The following TVP23A variants were observed in gnomAD, a reference collection of about 807,000 sequenced individuals.
TVP23A encodes trans-golgi network vesicle protein 23 homolog A.
Under a neutral mutation model 31.7 loss-of-function variants are expected in TVP23A, and 21 were observed. That is an observed-to-expected ratio of 0.66 (90% CI 0.47 to 0.95). TVP23A has a LOEUF of 0.95. Among genes scored for constraint, TVP23A ranks in the 40% least tolerant of loss-of-function variants. The pLI, the probability that TVP23A is intolerant of heterozygous loss-of-function variation, is 0.00. For missense variants in TVP23A, 279 were observed against 255.6 expected, an observed-to-expected ratio of 1.09 and a Z score of -0.62; for synonymous variants, 104 against 96.0, an observed-to-expected ratio of 1.08 and a Z score of -0.49.
chr16:10,803,012 A>C (rs1448116707), intron 2 of TVP23A, among the ~76,000 whole-genome samples: 1 of 152,206 alleles, frequency 6.6e-6, no homozygotes, highest in East Asian at 1.9e-4. Context: ...GGCTGGACGC[A>C]GTGGCTCATG....
At position 10,797,955 on chromosome 16, in the gene TVP23A, C is replaced by CTT. The variant is rs1162130562; in HGVS notation, c.89+20146_89+20147dup. The stretch of plus-strand genomic sequence containing the variant: ...TCTATAGTAAATATTTTTTCTTTTT[C>CTT]TTTTTTTTTTTTTTTTTTGAGATGG... On this transcript the variant is annotated intron_variant, in intron 2 of 7. Coordinates refer to ENST00000299866, the MANE Select transcript of TVP23A (RefSeq NM_001079512.4). Among the ~76,000 whole-genome samples, 267 of 122,934 alleles carry CTT rather than the reference C, an allele frequency of 2.2e-3. 1 individual carries two copies. Among genetic ancestry groups the CTT allele is most frequent in the African/African-American group, 6.5e-3 (207 of 31,654 alleles). 80.6% of individuals were successfully genotyped at this position (122,934 alleles called of 152,430 possible). A position where few individuals can be genotyped will look rare whatever the true frequency, so the allele number is the denominator to read the frequency against.
intron 2 of TVP23A, among the ~76,000 whole-genome samples, chr16:10,815,676 T>A (rs868508801): frequency 1.3e-5 from 2 of 152,132 alleles, no homozygotes; most frequent in Non-Finnish European, 2.9e-5. Flanking sequence ...AGTGCTAACA[T>A]TAAGCAAACC....
rs2031066781 is a variant in TVP23A, at chr16:10,767,476, A to G, written c.*1626T>C. 2.5e-6 allele frequency: 1 copy of G among 402,396 alleles called. No individual in the cohort carries two copies. The highest frequency in any genetic ancestry group is 4.4e-6 in the Non-Finnish European group (1 of 229,314). 24.9% of individuals were successfully genotyped at this position (402,396 alleles called of 1,614,324 possible). A position where few individuals can be genotyped will look rare whatever the true frequency, so the allele number is the denominator to read the frequency against. On this transcript the variant is annotated 3_prime_UTR_variant, in exon 8 of 8. Transcript: ENST00000299866. The surrounding 1 kb of genome is among the most constrained non-coding windows in gnomAD (Gnocchi z 4.6). ...ATTTTAGGTATATGAGAGTGTGTGTATGTGTGTGCGCACACATGCAAGTGT... is the reference window on the plus strand; with the variant it reads ...ATTTTAGGTATATGAGAGTGTGTGTGTGTGTGTGCGCACACATGCAAGTGT...
chr16:10,804,733 T>C (rs1385981345), intron 2 of TVP23A, among the ~76,000 whole-genome samples: 2 of 152,174 alleles, frequency 1.3e-5, no homozygotes, highest in Non-Finnish European at 2.9e-5. Flanking sequence ...GCCACAGAGC[T>C]AGACATTGTC....
intron 2 of TVP23A, among the ~76,000 whole-genome samples, chr16:10,776,528 G>A (rs968802679): frequency 2.0e-5 from 3 of 152,210 alleles, no homozygotes; most frequent in Non-Finnish European, 4.4e-5. Flanking sequence ...GAGCACACAG[G>A]TAGAGAACGA....
downstream of TVP23A, among the ~76,000 whole-genome samples, chr16:10,765,660 C>A (rs886795301): frequency 6.6e-6 from 1 of 152,192 alleles, no homozygotes; most frequent in Non-Finnish European, 1.5e-5. This position sits in a 1 kb window ranked among gnomAD's most constrained non-coding sequence, Gnocchi z 4.0. Context: ...GAGCCAGCAA[C>A]CTCCATCTTC....
intron 2 of TVP23A, among the ~76,000 whole-genome samples, chr16:10,795,703 C>T (rs994870804): frequency 2.6e-5 from 4 of 152,150 alleles, no homozygotes; most frequent in African/African-American, 7.2e-5. Flanking sequence ...ACCACACATT[C>T]GATGAGGGGA....
downstream of TVP23A, chr16:10,758,074 T>C (rs1477567520): frequency 3.8e-6 from 6 of 1,590,814 alleles, no homozygotes; most frequent in African/African-American, 6.7e-5. Flanking sequence ...TGCTCCACAC[T>C]GTGAGATTTC....
At chr16:10,802,285 T>C (rs1232855718) in intron 2 of TVP23A, among the ~76,000 whole-genome samples, 3 of 91,068 alleles carry the variant, frequency 3.3e-5, no homozygotes, top group African/African-American at 2.8e-4. Context: ...TGTGTGTGTG[T>C]ATATGTGTGT....
intron 2 of TVP23A, among the ~76,000 whole-genome samples, chr16:10,817,706 G>A (rs1000001403): frequency 1.3e-5 from 2 of 152,114 alleles, no homozygotes; most frequent in Middle Eastern, 3.2e-3. Context: ...CCTTCAGCTT[G>A]GAACACTCTC....
At chr16:10,814,950 T>TC (rs2034370027) in intron 2 of TVP23A, among the ~76,000 whole-genome samples, 1 of 152,096 alleles carries the variant, frequency 6.6e-6, no homozygotes, top group African/African-American at 2.4e-5. Flanking sequence ...CACCCTAAAT[T>TC]CATGACCTTA....
rs148922151 is a variant in TVP23A at position 10,767,973 on chromosome 16, C to G, written c.*1129G>C. 2.4e-4 allele frequency: 387 copies of G among 1,614,098 alleles called. No homozygotes were observed. The highest frequency in any genetic ancestry group is 3.0e-4 in the Non-Finnish European group (353 of 1,179,996). On this transcript the variant is annotated 3_prime_UTR_variant, in exon 8 of 8. Coordinates refer to ENST00000299866, the MANE Select transcript of TVP23A (RefSeq NM_001079512.4). This position sits in a 1 kb window ranked among gnomAD's most constrained non-coding sequence, Gnocchi z 4.6. ...GGTAAGAATTGTGACAAAGGCCAGT[C>G]TTTTTTCATTGACGCCCCAGATTCC... is the stretch of plus-strand genomic sequence containing the variant.
chr16:10,805,586 G>A (rs1291708301), intron 2 of TVP23A, among the ~76,000 whole-genome samples: 2 of 150,070 alleles, frequency 1.3e-5, no homozygotes, highest in African/African-American at 2.5e-5. Flanking sequence ...GGGTTAGCAG[G>A]GGGCCATGGA....
chr16:10,761,941 C>T (rs1334181042), downstream of TVP23A: 3 of 1,060,654 alleles, frequency 2.8e-6, no homozygotes, highest in Non-Finnish European at 4.2e-6. Context: ...GGGGCGGCTA[C>T]AGAGAGGGGC....
chr16:10,785,902 CT>C (rs1456891861), intron 2 of TVP23A, among the ~76,000 whole-genome samples: 1 of 152,150 alleles, frequency 6.6e-6, no homozygotes, highest in Non-Finnish European at 1.5e-5. Flanking sequence ...CACCACCGGA[CT>C]TTGGGTACCC....
chr16:10,785,306 AG>A (rs1484404972), intron 2 of TVP23A, among the ~76,000 whole-genome samples: 1 of 152,024 alleles, frequency 6.6e-6, no homozygotes, highest in Admixed American at 6.6e-5. Flanking sequence ...CAGGAGGCTG[AG>A]GCACGAGAAT....
Position 10,767,107 on chromosome 16 carries a change from C to T in TVP23A, c.*1995G>A, listed in dbSNP as rs148797879. The T allele has an allele frequency of 4.4e-3, 1,745 of 398,736 alleles. 8 individuals carry two copies. The highest frequency in any genetic ancestry group is 6.7e-3 in the Non-Finnish European group (1,505 of 226,166). 24.7% of individuals were successfully genotyped at this position (398,736 alleles called of 1,614,324 possible). On this transcript the variant is annotated 3_prime_UTR_variant, in exon 8 of 8. Coordinates refer to ENST00000299866, the MANE Select transcript of TVP23A (RefSeq NM_001079512.4). The surrounding 1 kb of genome is among the most constrained non-coding windows in gnomAD (Gnocchi z 4.6). ...CTGGGGTTCACCTGAGGCTGGTGACCGGCCATGGGCAGTGCAGTCACTTGC... is the reference window on the plus strand; with the variant it reads ...CTGGGGTTCACCTGAGGCTGGTGACTGGCCATGGGCAGTGCAGTCACTTGC...
chr16:10,803,287 C>T (rs1411509358), intron 2 of TVP23A, among the ~76,000 whole-genome samples: 1 of 82,562 alleles, frequency 1.2e-5, no homozygotes, highest in South Asian at 3.2e-4. Context: ...GTGTGTGTGT[C>T]AGAGTCTGGG....
downstream of TVP23A, among the ~76,000 whole-genome samples, chr16:10,765,307 C>G: frequency 7.6e-6 from 1 of 131,638 alleles, no homozygotes; most frequent in Non-Finnish European, 1.6e-5. The surrounding 1 kb of genome is among the most constrained non-coding windows in gnomAD (Gnocchi z 4.0). Flanking sequence ...CTGGGTAACA[C>G]AGGAAGATAC....
Sources: gnomAD v4.1 joint callset for allele counts (sites outside exome capture counted in the v4.1 genomes callset) on GRCh38, gnomAD v4.1.1 for gene constraint, Gnocchi (gnomAD v3.1) non-coding constraint, MANE v1.5 for transcripts, NCBI Gene and HGNC (gene_info 2026-07-23, HGNC 2026-07-21) for gene names.